GRM7: variants seen among roughly 807,000 people sequenced by gnomAD.
The protein encoded by GRM7 is metabotropic glutamate receptor 7.
GRM7 carries 35 observed loss-of-function variants against 84.5 expected under a neutral mutation model. The observed-to-expected ratio is 0.41, with a 90% CI of 0.32 to 0.55. The LOEUF (loss-of-function observed/expected upper bound fraction) is 0.55, where lower values mean the gene tolerates loss of function less well. Among genes scored for constraint, GRM7 ranks in the 20% least tolerant of loss-of-function variants. The pLI, the probability that GRM7 is intolerant of heterozygous loss-of-function variation, is 0.19. For synonymous variants in GRM7, 487 were observed against 455.1 expected (o/e 1.07, Z -0.89); for missense variants, 1,003 against 1,194.6 (o/e 0.84, Z 2.36).
intron 1 of GRM7, among the ~76,000 whole-genome samples, chr3:6,946,790 A>G (rs577537521): frequency 1.3e-5 from 2 of 152,202 alleles, no homozygotes; most frequent in African/African-American, 2.4e-5. Context: ...TTGGAATCCT[A>G]TGTATTTTAT....
chr3:7,405,396 T>C (rs1695630700), intron 4 of GRM7, among the ~76,000 whole-genome samples: 1 of 152,154 alleles, frequency 6.6e-6, no homozygotes, highest in South Asian at 2.1e-4. Flanking sequence ...GGGTACATAG[T>C]GATATTTTGA....
At chr3:7,399,880 T>C (rs1240934025) in intron 4 of GRM7, among the ~76,000 whole-genome samples, 6 of 152,116 alleles carry the variant, frequency 3.9e-5, no homozygotes, top group African/African-American at 1.4e-4. Flanking sequence ...TTGTACAGGC[T>C]GAAGAACCAT....
In GRM7 at chr3:7,741,396, T is replaced by G. The variant is rs561493951; in HGVS notation, c.*990T>G. On this transcript the variant is annotated 3_prime_UTR_variant, in exon 10 of 10. Transcript: ENST00000357716. ...TTTTTTACTGTTTGTAATAAGTACT[T>G]TCGTTAATCTTGCTGCTTATGTGCC... 6.5e-6 allele frequency: 1 copy of G among 152,714 alleles called. No homozygotes were observed. The highest frequency in any genetic ancestry group is 2.4e-5 in the African/African-American group (1 of 41,574). 9.5% of individuals were successfully genotyped at this position (152,714 alleles called of 1,614,324 possible).
rs181404114 is a variant in GRM7, at chr3:6,972,530, T to C, written c.519+110623T>C. 8.5e-5 allele frequency among the ~76,000 whole-genome samples: 13 copies of C among 152,286 alleles called. 1 individual carries two copies. The highest frequency in any genetic ancestry group is 3.4e-3 in the Middle Eastern group (1 of 294). ...TCCAGCGTGCCTTGTGTATCGTCCATTGCTGGTTTGGATTTTCTAGAGGGT... is the reference window on the plus strand; with the variant it reads ...TCCAGCGTGCCTTGTGTATCGTCCACTGCTGGTTTGGATTTTCTAGAGGGT... On this transcript the variant is annotated intron_variant, in intron 1 of 9. Transcript: ENST00000357716.
chr3:7,594,389 G>A (rs889331401), intron 8 of GRM7, among the ~76,000 whole-genome samples: 1 of 152,152 alleles, frequency 6.6e-6, no homozygotes, highest in African/African-American at 2.4e-5. Context: ...GTTGTACGGT[G>A]TGTTGCCTGC....
intron 2 of GRM7, among the ~76,000 whole-genome samples, chr3:7,261,745 A>G (rs1003573523): frequency 1.3e-5 from 2 of 152,156 alleles, no homozygotes; most frequent in Non-Finnish European, 2.9e-5. Context: ...TCCTTTCCAT[A>G]CTTAGTAGTT....
At chr3:7,379,014 C>A (rs989195540) in intron 4 of GRM7, among the ~76,000 whole-genome samples, 1 of 152,164 alleles carries the variant, frequency 6.6e-6, no homozygotes, top group Non-Finnish European at 1.5e-5. Context: ...ACCTTTATAA[C>A]GTCAGCTTTA....
rs556728597 is a variant in GRM7, at chr3:7,159,370, T to G, written c.736+12702T>G. Among the ~76,000 whole-genome samples the G allele has an allele frequency of 2.6e-5, 4 of 152,330 alleles. No homozygotes were observed. In the South Asian group the frequency reaches 8.3e-4, roughly 32 times the overall value. On this transcript the variant is annotated intron_variant, in intron 2 of 9. Transcript: ENST00000357716. ...TTTAGCTTTTGCAGCATGCAAGGAC[T>G]AAGTTCATCAGATAGGGAACAAGGG...
In GRM7 at chr3:7,416,748, C is replaced by G. The variant is rs568715660; in HGVS notation, c.1174+1585C>G. On this transcript the variant is annotated intron_variant, in intron 5 of 9. Transcript: ENST00000357716. ...ATAACAATAGTTCTGAGATATGGTC[C>G]CTAGAATAGTGGGGGAAAAGGGAAA... Among the ~76,000 whole-genome samples, 3 of 151,976 alleles carry G rather than the reference C, an allele frequency of 2.0e-5. 1 individual carries two copies. The highest frequency in any genetic ancestry group is 4.8e-5 in the African/African-American group (2 of 41,442).
At chr3:7,213,208 A>T (rs1386902627) in intron 2 of GRM7, among the ~76,000 whole-genome samples, 1 of 152,206 alleles carries the variant, frequency 6.6e-6, no homozygotes, top group Non-Finnish European at 1.5e-5. Flanking sequence ...TCTTTTCCAG[A>T]GGTCTAAGAA....
intron 1 of GRM7, among the ~76,000 whole-genome samples, chr3:7,103,814 C>CTTTT (rs143813680): frequency 1.4e-5 from 1 of 71,350 alleles, no homozygotes. Context: ...TTCTTTCTTT[C>CTTTT]TTTCTCTCTC....
chr3:7,592,272 G>C (rs1695824692), intron 8 of GRM7, among the ~76,000 whole-genome samples: 1 of 151,968 alleles, frequency 6.6e-6, no homozygotes, highest in Admixed American at 6.6e-5. Context: ...AAAAAAAGCA[G>C]ATAAGAGAAG....
intron 5 of GRM7, among the ~76,000 whole-genome samples, chr3:7,438,895 C>A (rs925191260): frequency 6.6e-6 from 1 of 152,026 alleles, no homozygotes; most frequent in Admixed American, 6.6e-5. Context: ...GTGGAAGGGG[C>A]AAGAGTTTAA....
At chr3:7,460,523 T>G (rs1323848237) in intron 6 of GRM7, among the ~76,000 whole-genome samples, 1 of 152,144 alleles carries the variant, frequency 6.6e-6, no homozygotes, top group East Asian at 1.9e-4. Flanking sequence ...AAAGCACCAT[T>G]TGAGTTTGTA....
chr3:7,303,583 T>C (rs1246477130), intron 3 of GRM7, among the ~76,000 whole-genome samples: 1 of 152,132 alleles, frequency 6.6e-6, no homozygotes, highest in Non-Finnish European at 1.5e-5. Context: ...CAGCATCAAG[T>C]ATTTTTTCTA....
intron 1 of GRM7, among the ~76,000 whole-genome samples, chr3:7,128,213 A>G (rs1044225464): frequency 2.0e-5 from 3 of 151,856 alleles, no homozygotes; most frequent in African/African-American, 7.2e-5. Context: ...TGTTTTTCAG[A>G]GTGTAGCCAT....
intron 4 of GRM7, among the ~76,000 whole-genome samples, chr3:7,359,018 C>T (rs1418632365): frequency 7.2e-6 from 1 of 138,178 alleles, no homozygotes; most frequent in African/African-American, 2.8e-5. Flanking sequence ...ACTCTGGAAG[C>T]TGAGACAGGA....
chr3:6,951,128 G>C (rs187741472), intron 1 of GRM7, among the ~76,000 whole-genome samples: 5 of 152,176 alleles, frequency 3.3e-5, no homozygotes, highest in African/African-American at 1.2e-4. Context: ...CATCTTCTGC[G>C]TCGCTCACAC....
chr3:7,168,721 A>C (rs1400162), intron 2 of GRM7, among the ~76,000 whole-genome samples: 91,251 of 152,016 alleles, frequency 0.6, 28,156 homozygotes, highest in African/African-American at 0.65. Flanking sequence ...GCTGCCATTT[A>C]CAATGGAAGG....
Sources: allele counts gnomAD v4.1 joint callset (sites outside exome capture counted in the v4.1 genomes callset), GRCh38; gene constraint gnomAD v4.1.1; transcripts MANE v1.5; gene names NCBI Gene and HGNC (gene_info 2026-07-23, HGNC 2026-07-21).